JARID2: variants seen among roughly 807,000 people sequenced by gnomAD.
JARID2 encodes protein Jumonji.
A neutral mutation model predicts 125.6 loss-of-function variants in JARID2; 21 were observed. That is an observed-to-expected ratio of 0.17 (90% CI 0.12 to 0.24). JARID2 has a LOEUF of 0.24. JARID2 is among the 10% of genes least tolerant of loss of function. The pLI is 1.00. For synonymous variants in JARID2, 736 were observed against 661.6 expected (o/e 1.11, Z -1.73); for missense variants, 1,303 against 1,639.6 (o/e 0.79, Z 3.55).
Position 15,246,547 on chromosome 6 carries a change from A to T in JARID2, c.8A>T (p.Lys3Met). 6.2e-7 allele frequency: 1 copy of T among 1,613,600 alleles called. No homozygotes were observed. The highest frequency in any genetic ancestry group is 2.2e-5 in the East Asian group (1 of 44,872). Reference protein sequence around the residue: MSKERPKRNIIQK... With the variant: MSMERPKRNIIQK... ...CAGCATTTGGATCTCAGAATGAGCA[A>T]GGAAAGACCCAAGAGGAATATCATT... The change falls in exon 1 of 18, where the codon AAG becomes ATG. Residue 3 changes from lysine to methionine, a missense_variant. Lys to Met is a moderately conservative substitution (Grantham distance 95, BLOSUM62 -1). This residue lies in a region of JARID2 where 93 missense variants were observed against 120.4 expected (regional missense o/e 0.77). Transcript: ENST00000341776.
chr6:15,357,596 ATTTT>A (rs560143812), intron 1 of JARID2, among the ~76,000 whole-genome samples: 1 of 150,590 alleles, frequency 6.6e-6, no homozygotes, highest in Admixed American at 6.6e-5. Flanking sequence ...TTATTTATTG[ATTTT>A]TTTTTTAATT....
intron 1 of JARID2, among the ~76,000 whole-genome samples, chr6:15,330,983 A>G (rs1762687977): frequency 6.6e-6 from 1 of 152,226 alleles, no homozygotes; most frequent in African/African-American, 2.4e-5. Flanking sequence ...GTACAAGGAC[A>G]TCTCACTAGA....
At chr6:15,461,312 T>G (rs1768437919) in intron 4 of JARID2, among the ~76,000 whole-genome samples, 1 of 152,196 alleles carries the variant, frequency 6.6e-6, no homozygotes, top group African/African-American at 2.4e-5. Flanking sequence ...ATTCTCCTTG[T>G]GAAGTCCCAC....
chr6:15,415,714 C>T (rs1476063712), intron 3 of JARID2, among the ~76,000 whole-genome samples: 13 of 146,574 alleles, frequency 8.9e-5, no homozygotes, highest in Non-Finnish European at 4.5e-5. Context: ...CACCTCCTTC[C>T]CGGACGGGGC....
intron 1 of JARID2, among the ~76,000 whole-genome samples, chr6:15,325,960 T>C (rs1474824981): frequency 1.3e-5 from 2 of 152,232 alleles, no homozygotes. Flanking sequence ...ATGTGTAAAA[T>C]ACAATTTTCA....
chr6:15,249,847 G>A (rs904885975), intron 1 of JARID2, among the ~76,000 whole-genome samples: 1 of 152,250 alleles, frequency 6.6e-6, no homozygotes, highest in Admixed American at 6.5e-5. Context: ...ATTGTGTTGA[G>A]CACGACTCCC....
At chr6:15,469,021 A>T (rs955633435) in intron 5 of JARID2, among the ~76,000 whole-genome samples, 21 of 152,160 alleles carry the variant, frequency 1.4e-4, no homozygotes, top group Non-Finnish European at 2.9e-4. Context: ...AGATTTGGTG[A>T]AACAACATCT....
rs961506941 is a variant in JARID2 at position 15,520,829 on chromosome 6, C to T, written c.*578C>T. 9 of 455,628 alleles carry T rather than the reference C, an allele frequency of 2.0e-5. No individual in the cohort carries two copies. Among genetic ancestry groups the T allele is most frequent in the East Asian group, 1.4e-4 (2 of 14,394 alleles). The allele number at this position is 455,628 out of a possible 1,614,324, so 28.2% of individuals were successfully genotyped here. A position where few individuals can be genotyped will look rare whatever the true frequency, so the allele number is the denominator to read the frequency against. ...GGCGGTTGTGGCAGCTGAAGGCGGACGTTGTTTCCTAACCATAGGTGGAAC... is the reference window on the plus strand; with the variant it reads ...GGCGGTTGTGGCAGCTGAAGGCGGATGTTGTTTCCTAACCATAGGTGGAAC... On this transcript the variant is annotated 3_prime_UTR_variant, in exon 18 of 18. Coordinates refer to ENST00000341776, the MANE Select transcript of JARID2 (RefSeq NM_004973.4).
At chr6:15,361,353 C>T (rs554640810) in intron 1 of JARID2, among the ~76,000 whole-genome samples, 18 of 152,304 alleles carry the variant, frequency 1.2e-4, no homozygotes, top group Non-Finnish European at 4.4e-5. Context: ...AAGTCTGCTA[C>T]TTCTTTGCTC....
At chr6:15,274,538 A>G (rs2127360253) in intron 1 of JARID2, among the ~76,000 whole-genome samples, 1 of 152,334 alleles carries the variant, frequency 6.6e-6, no homozygotes, top group East Asian at 1.9e-4. Flanking sequence ...ATCCAAATTT[A>G]TTTTCCTTCA....
At chr6:15,389,506 C>G (rs1308473359) in intron 2 of JARID2, among the ~76,000 whole-genome samples, 2 of 152,208 alleles carry the variant, frequency 1.3e-5, no homozygotes, top group African/African-American at 2.4e-5. Context: ...AAGAATGCAT[C>G]TAGAGTGATC....
At chr6:15,315,906 TA>T (rs1409160137) in intron 1 of JARID2, among the ~76,000 whole-genome samples, 4 of 152,132 alleles carry the variant, frequency 2.6e-5, no homozygotes, top group African/African-American at 9.7e-5. Context: ...ATGGAAGAAG[TA>T]AGTGATGACT....
rs373958910 is a variant in JARID2 at position 15,443,864 on chromosome 6, A to G, written c.324-8142A>G. On this transcript the variant is annotated intron_variant, in intron 3 of 17. Coordinates refer to ENST00000341776, the MANE Select transcript of JARID2 (RefSeq NM_004973.4). ...AGGTGAACTAAACTCAGGTTTTGTG[A>G]CACCACTACTCTTTTGCTTGTACCA... 5.3e-5 allele frequency among the ~76,000 whole-genome samples: 8 copies of G among 152,290 alleles called. 1 individual carries two copies. Among genetic ancestry groups the G allele is most frequent in the Admixed American group, 3.3e-4 (5 of 15,302 alleles).
chr6:15,465,673 C>G (rs1224815636), intron 4 of JARID2, among the ~76,000 whole-genome samples: 3 of 151,940 alleles, frequency 2.0e-5, no homozygotes, highest in Non-Finnish European at 4.4e-5. Flanking sequence ...TCAACAGATC[C>G]TGTTAAGTGG....
chr6:15,327,682 G>A (rs987212472), intron 1 of JARID2, among the ~76,000 whole-genome samples: 1 of 152,142 alleles, frequency 6.6e-6, no homozygotes, highest in Admixed American at 6.5e-5. Context: ...AGAAGGGCAC[G>A]TAGCAATCTC....
At chr6:15,366,807 C>T (rs1763995518) in intron 1 of JARID2, among the ~76,000 whole-genome samples, 2 of 151,932 alleles carry the variant, frequency 1.3e-5, no homozygotes, top group South Asian at 4.1e-4. Context: ...CACCTTCTGC[C>T]TCTTTATCAC....
chr6:15,309,642 T>C (rs1256165750), intron 1 of JARID2, among the ~76,000 whole-genome samples: 1 of 152,106 alleles, frequency 6.6e-6, no homozygotes, highest in Non-Finnish European at 1.5e-5. Flanking sequence ...TGTATACATA[T>C]AATATATAAA....
chr6:15,426,373 G>A (rs1331288141), intron 3 of JARID2, among the ~76,000 whole-genome samples: 1 of 152,190 alleles, frequency 6.6e-6, no homozygotes, highest in Admixed American at 6.5e-5. Context: ...CCAAGATGGT[G>A]AGCTGGAGGC....
intron 1 of JARID2, among the ~76,000 whole-genome samples, chr6:15,304,840 T>A (rs534358494): frequency 5.9e-5 from 9 of 152,280 alleles, no homozygotes; most frequent in African/African-American, 2.2e-4. Context: ...GGGGGCACCA[T>A]CAGGTTGCAA....
Sources: allele counts gnomAD v4.1 joint callset (sites outside exome capture counted in the v4.1 genomes callset), GRCh38; gene constraint gnomAD v4.1.1; regional missense constraint gnomAD v4.1.1; transcripts MANE v1.5; gene names NCBI Gene and HGNC (gene_info 2026-07-23, HGNC 2026-07-21).